Variants in CTXND1 observed in about 807,000 individuals in gnomAD.
CTXND1 encodes cortexin domain-containing 1 protein.
chr15:80,237,362 GAA>G (rs1893514142), intron 1 of CTXND1, among the ~76,000 whole-genome samples: 8 of 142,006 alleles, frequency 5.6e-5, no homozygotes, highest in African/African-American at 2.1e-4. Context: ...AAAAAAGAAA[GAA>G]AAAGAAAACA....
At chr15:80,243,080 C>T (rs938327918) in intron 1 of CTXND1, among the ~76,000 whole-genome samples, 22 of 152,188 alleles carry the variant, frequency 1.4e-4, no homozygotes, top group African/African-American at 5.3e-4. Flanking sequence ...ACCTCCTCTT[C>T]ATTCAGGAAG....
intron 1 of CTXND1, among the ~76,000 whole-genome samples, chr15:80,222,619 C>T (rs1225606277): frequency 6.6e-6 from 1 of 152,074 alleles, no homozygotes; most frequent in Admixed American, 6.6e-5. Flanking sequence ...ACAGTTCCTC[C>T]TCTCTTTTTA....
At chr15:80,229,875 A>G (rs1451409958) in intron 1 of CTXND1, among the ~76,000 whole-genome samples, 1 of 152,178 alleles carries the variant, frequency 6.6e-6, no homozygotes, top group Non-Finnish European at 1.5e-5. Flanking sequence ...AAACAGAGAG[A>G]GATCTATCCA....
chr15:80,244,418 C>T (rs1364167401), intron 1 of CTXND1, among the ~76,000 whole-genome samples: 1 of 152,220 alleles, frequency 6.6e-6, no homozygotes, highest in Non-Finnish European at 1.5e-5. Context: ...CAGGGTTGGT[C>T]ATGGGAGGCT....
chr15:80,211,313 G>T (rs1893202270), intron 1 of CTXND1, among the ~76,000 whole-genome samples: 1 of 152,244 alleles, frequency 6.6e-6, no homozygotes, highest in East Asian at 1.9e-4. Context: ...AGGGTAAGAA[G>T]AATCCGAGTT....
chr15:80,241,147 C>G (rs548352167), intron 1 of CTXND1, among the ~76,000 whole-genome samples: 5 of 152,296 alleles, frequency 3.3e-5, no homozygotes, highest in African/African-American at 1.2e-4. Flanking sequence ...CCAACAAGAG[C>G]TAAGCGATGG....
At chr15:80,243,337 T>C (rs2141465067) in intron 1 of CTXND1, among the ~76,000 whole-genome samples, 1 of 152,338 alleles carries the variant, frequency 6.6e-6, no homozygotes, top group African/African-American at 2.4e-5. Flanking sequence ...GGCATTAAGA[T>C]ACTTTCCTGC....
intron 1 of CTXND1, among the ~76,000 whole-genome samples, chr15:80,205,907 G>A (rs1367776797): frequency 2.0e-5 from 3 of 151,828 alleles, no homozygotes; most frequent in African/African-American, 7.3e-5. Context: ...CAAACCCCTG[G>A]TGTTTCAGTC....
rs1186611610 is a variant in CTXND1 at position 80,238,219 on chromosome 15, T to C, written c.-218+13788A>G. Among the ~76,000 whole-genome samples the C allele has an allele frequency of 3.9e-5, 6 of 152,166 alleles. No homozygotes were observed. In the East Asian group the frequency reaches 9.7e-4, roughly 24 times the overall value. The stretch of plus-strand genomic sequence containing the variant: ...CAGTCAATGACTCACCCAGAGCAAC[T>C]TCCAGTCCTGCAAGTTCCATTTATG... On this transcript the variant is annotated intron_variant, in intron 1 of 2. Coordinates refer to ENST00000560778, the MANE Select transcript of CTXND1 (RefSeq NM_001352888.2).
At chr15:80,240,884 C>T (rs926271869) in intron 1 of CTXND1, among the ~76,000 whole-genome samples, 1 of 152,168 alleles carries the variant, frequency 6.6e-6, no homozygotes, top group Non-Finnish European at 1.5e-5. Context: ...CCTAGAGAAT[C>T]CCCAGGACAA....
chr15:80,221,878 T>G (rs1048731100), intron 1 of CTXND1, among the ~76,000 whole-genome samples: 1 of 152,218 alleles, frequency 6.6e-6, no homozygotes, highest in Non-Finnish European at 1.5e-5. Context: ...GGAAATATGT[T>G]TCTCAAAAAT....
At chr15:80,240,120 C>T (rs1381299128) in intron 1 of CTXND1, among the ~76,000 whole-genome samples, 2 of 152,186 alleles carry the variant, frequency 1.3e-5, no homozygotes, top group African/African-American at 4.8e-5. Context: ...CATGCACCAA[C>T]ACGCTCGGCT....
chr15:80,244,279 T>G (rs543195194), intron 1 of CTXND1, among the ~76,000 whole-genome samples: 36 of 152,322 alleles, frequency 2.4e-4, no homozygotes, highest in African/African-American at 8.2e-4. Flanking sequence ...GTCTGAAAAT[T>G]TATGTGCAAA....
Position 80,199,250 on chromosome 15 carries a change from T to G in CTXND1, c.*2520A>C, listed in dbSNP as rs2142118913. The G allele has an allele frequency of 6.6e-6, 1 of 152,350 alleles. No homozygotes were observed. The highest frequency in any genetic ancestry group is 3.4e-3 in the Middle Eastern group (1 of 294). 9.4% of individuals were successfully genotyped at this position (152,350 alleles called of 1,614,324 possible). ...GTGCACATAAACCACCTAGCGAATC[T>G]TGCTAATATACATTCTGTACGTAGG... On this transcript the variant is annotated 3_prime_UTR_variant, in exon 3 of 3. Coordinates refer to ENST00000560778, the MANE Select transcript of CTXND1 (RefSeq NM_001352888.2).
At chr15:80,228,584 T>TGA (rs1461338356) in intron 1 of CTXND1, among the ~76,000 whole-genome samples, 1 of 151,670 alleles carries the variant, frequency 6.6e-6, no homozygotes, top group African/African-American at 2.4e-5. Context: ...GGGTGCAGGT[T>TGA]GAGTATCCCT....
chr15:80,217,632 C>T (rs1893268044), intron 1 of CTXND1, among the ~76,000 whole-genome samples: 1 of 151,628 alleles, frequency 6.6e-6, no homozygotes, highest in African/African-American at 2.4e-5. Context: ...CTGCAAGTTC[C>T]ACCTAATGTG....
intron 1 of CTXND1, among the ~76,000 whole-genome samples, chr15:80,237,826 T>A (rs183417026): frequency 2.6e-5 from 4 of 151,928 alleles, no homozygotes; most frequent in Admixed American, 2.0e-4. Flanking sequence ...CTGGCCAACA[T>A]GGCAAAATCC....
chr15:80,251,844 C>T (rs1225426814), intron 1 of CTXND1, among the ~76,000 whole-genome samples, 163 bp downstream of exon 1: 1 of 151,982 alleles, frequency 6.6e-6, no homozygotes, highest in African/African-American at 2.4e-5. Flanking sequence ...AGTGTCCACG[C>T]GGGTCTCCTC....
chr15:80,209,563 C>T (rs986193797), intron 1 of CTXND1, among the ~76,000 whole-genome samples: 1 of 152,218 alleles, frequency 6.6e-6, no homozygotes, highest in Admixed American at 6.5e-5. Context: ...ACCCAGTGTA[C>T]TTGTCAAAGC....
Sources: gnomAD v4.1 joint callset for allele counts (sites outside exome capture counted in the v4.1 genomes callset) on GRCh38, gnomAD v4.1.1 for gene constraint, MANE v1.5 for transcripts, NCBI Gene and HGNC (gene_info 2026-07-23, HGNC 2026-07-21) for gene names.